CNTN1: variants seen among roughly 807,000 people sequenced by gnomAD.
The protein encoded by CNTN1 is contactin 1.
Under a neutral mutation model 126.4 loss-of-function variants are expected in CNTN1, and 38 were observed. That is an observed-to-expected ratio of 0.30 (90% confidence interval 0.23 to 0.39). The LOEUF (loss-of-function observed/expected upper bound fraction) is 0.39, where lower values mean the gene tolerates loss of function less well. Ranked by LOEUF, CNTN1 falls within the 10% of genes least tolerant of loss-of-function variation. The probability of loss-of-function intolerance (pLI) is 1.00; values close to 1 mark genes in which losing one functional copy is unlikely to be tolerated. For missense variants in CNTN1, 1,009 were observed against 1,248.4 expected, an observed-to-expected ratio of 0.81 and a Z score of 2.89; for synonymous variants, 413 against 422.6, an observed-to-expected ratio of 0.98 and a Z score of 0.28.
intron 19 of CNTN1, among the ~76,000 whole-genome samples, chr12:41,018,061 G>A (rs1450031007): frequency 1.3e-5 from 2 of 151,344 alleles, no homozygotes; most frequent in Non-Finnish European, 2.9e-5. Flanking sequence ...TTGCACTCCA[G>A]CCTGGGCAAC....
chr12:40,849,122 C>T (rs1434270523), intron 1 of CNTN1, among the ~76,000 whole-genome samples: 2 of 152,056 alleles, frequency 1.3e-5, no homozygotes, highest in Non-Finnish European at 2.9e-5. Context: ...GGCTTAATCT[C>T]TCTAAGCTTC....
At chr12:40,879,234 T>C (rs1943790977) in intron 1 of CNTN1, among the ~76,000 whole-genome samples, 1 of 152,194 alleles carries the variant, frequency 6.6e-6, no homozygotes, top group Non-Finnish European at 1.5e-5. Context: ...TGTTTCTTTA[T>C]AGAACATTGG....
intron 1 of CNTN1, among the ~76,000 whole-genome samples, chr12:40,730,922 T>C (rs1942484743): frequency 6.6e-6 from 1 of 152,074 alleles, no homozygotes. Flanking sequence ...TAATATAATG[T>C]GTAGAATGAG....
chr12:40,786,091 C>T (rs1940008035), intron 1 of CNTN1, among the ~76,000 whole-genome samples: 1 of 152,198 alleles, frequency 6.6e-6, no homozygotes, highest in Non-Finnish European at 1.5e-5. Context: ...CCAGTATGGA[C>T]ATTACCAGAC....
intron 23 of CNTN1, among the ~76,000 whole-genome samples, chr12:41,053,601 C>A (rs1352514177): frequency 6.6e-6 from 1 of 150,452 alleles, no homozygotes; most frequent in African/African-American, 2.4e-5. Context: ...TTGTAGCTCT[C>A]TGCAGCCACA....
intron 1 of CNTN1, among the ~76,000 whole-genome samples, chr12:40,851,821 C>T (rs573712903): frequency 1.5e-4 from 23 of 152,114 alleles, no homozygotes; most frequent in African/African-American, 4.3e-4. Flanking sequence ...AAAGGTGATT[C>T]GCAGTGGGGA....
At chr12:40,698,482 C>T (rs916325593) in intron 1 of CNTN1, among the ~76,000 whole-genome samples, 2 of 151,834 alleles carry the variant, frequency 1.3e-5, no homozygotes, top group Non-Finnish European at 2.9e-5. Context: ...GTGATCCGCC[C>T]GCCTCGGCCT....
rs1165228762 is a variant in CNTN1, at chr12:40,760,835, G to GCACACACACACA, written c.-77+68253_-77+68264dup. Among the ~76,000 whole-genome samples, 723 of 150,550 alleles carry GCACACACACACA rather than the reference G, an allele frequency of 4.8e-3. 7 individuals carry two copies. The highest frequency in any genetic ancestry group is 0.016 in the African/African-American group (658 of 41,000). ...TACATTGTTGGTCTTTCAAAATAAT[G>GCACACACACACA]CACACACACACACACACACACTTCC... On this transcript the variant is annotated intron_variant, in intron 1 of 23. Coordinates refer to ENST00000551295, the MANE Select transcript of CNTN1 (RefSeq NM_001843.4).
intron 1 of CNTN1, among the ~76,000 whole-genome samples, chr12:40,701,782 T>C (rs1348423768): frequency 6.6e-6 from 1 of 152,220 alleles, no homozygotes; most frequent in Non-Finnish European, 1.5e-5. Flanking sequence ...TGAGTGGTAA[T>C]GAACCTAAGA....
At position 40,936,896 on chromosome 12, in the gene CNTN1, T is replaced by C. The variant is rs1432467838; in HGVS notation, c.1101T>C (p.Asn367=). ...KPIPTIRWLK[N]GYAYHKGELR... ...TCCCTACAATCCGATGGTTGAAAAA[T>C]GGATATGCGGTATGTATGTTCAAGT... Residue 367 remains asparagine (N), a synonymous_variant, in exon 10 of 24, where the codon AAT becomes AAC. Coordinates refer to ENST00000551295, the MANE Select transcript of CNTN1 (RefSeq NM_001843.4). The C allele has an allele frequency of 3.1e-6, 5 of 1,612,812 alleles. No individual in the cohort carries two copies. Among genetic ancestry groups the C allele is most frequent in the Non-Finnish European group, 3.4e-6 (4 of 1,179,216 alleles).
At chr12:40,978,065 G>C (rs900727553) in intron 15 of CNTN1, among the ~76,000 whole-genome samples, 1 of 151,998 alleles carries the variant, frequency 6.6e-6, no homozygotes, top group African/African-American at 2.4e-5. Flanking sequence ...GGCCTCCAAA[G>C]TGCTGGGATT....
intron 22 of CNTN1, among the ~76,000 whole-genome samples, chr12:41,028,605 T>C (rs971235778): frequency 1.3e-5 from 2 of 152,138 alleles, no homozygotes; most frequent in African/African-American, 2.4e-5. Context: ...TGTTTATAAA[T>C]GAATAAAAAG....
At chr12:40,768,448 A>C (rs542772258) in intron 1 of CNTN1, among the ~76,000 whole-genome samples, 2 of 152,358 alleles carry the variant, frequency 1.3e-5, no homozygotes, top group East Asian at 3.9e-4. Context: ...CATATCCTTT[A>C]TAGAAAATGG....
intron 15 of CNTN1, among the ~76,000 whole-genome samples, chr12:40,980,254 G>A (rs1183218642): frequency 6.6e-6 from 1 of 152,034 alleles, no homozygotes; most frequent in African/African-American, 2.4e-5. Flanking sequence ...ACAACACGGT[G>A]AAACCCAGTC....
At chr12:40,891,601 G>A (rs993571228) in intron 1 of CNTN1, among the ~76,000 whole-genome samples, 9 of 152,038 alleles carry the variant, frequency 5.9e-5, no homozygotes, top group Admixed American at 2.6e-4. Flanking sequence ...TTGTTGTTGC[G>A]CATGGATGTC....
chr12:40,838,041 C>G (rs1565809828), intron 1 of CNTN1, among the ~76,000 whole-genome samples: 1 of 152,114 alleles, frequency 6.6e-6, no homozygotes, highest in Non-Finnish European at 1.5e-5. Flanking sequence ...TGAGGATTAC[C>G]CTACCCCACC....
At chr12:40,758,587 TTTTTG>T (rs1938705214) in intron 1 of CNTN1, among the ~76,000 whole-genome samples, 2 of 152,178 alleles carry the variant, frequency 1.3e-5, no homozygotes, top group Admixed American at 1.3e-4. Context: ...GTGTAATCTG[TTTTTG>T]TTTTATTTTG....
At position 40,992,417 on chromosome 12, in the gene CNTN1, G is replaced by A. The variant is rs145211040; in HGVS notation, c.1964-703G>A. Among the ~76,000 whole-genome samples, 24 of 152,194 alleles carry A rather than the reference G, an allele frequency of 1.6e-4. No individual in the cohort carries two copies. In the East Asian group the frequency reaches 4.6e-3, roughly 29 times the overall value. On this transcript the variant is annotated intron_variant, in intron 16 of 23. Coordinates refer to ENST00000551295, the MANE Select transcript of CNTN1 (RefSeq NM_001843.4). Reference sequence around the variant, plus strand: ...TGGATAGGTTGATTATTAAAAACTCGTGGAAATATTTGAGGCAAGCTTATA... The same window carrying A: ...TGGATAGGTTGATTATTAAAAACTCATGGAAATATTTGAGGCAAGCTTATA...
At chr12:40,701,302 T>C (rs1941589207) in intron 1 of CNTN1, among the ~76,000 whole-genome samples, 1 of 152,212 alleles carries the variant, frequency 6.6e-6, no homozygotes, top group South Asian at 2.1e-4. Flanking sequence ...AATGTGTCAT[T>C]TAAATATGCC....
Sources: gnomAD v4.1 joint callset for allele counts (sites outside exome capture counted in the v4.1 genomes callset) on GRCh38, gnomAD v4.1.1 for gene constraint, MANE v1.5 for transcripts, NCBI Gene and HGNC (gene_info 2026-07-23, HGNC 2026-07-21) for gene names.